SYMPK: variants seen among roughly 807,000 people sequenced by gnomAD.
The protein encoded by SYMPK is symplekin.
SYMPK carries 49 observed loss-of-function variants against 136.4 expected under a neutral mutation model. The observed-to-expected ratio is 0.36, with a 90% CI of 0.29 to 0.46. SYMPK has a LOEUF of 0.46. Among genes scored for constraint, SYMPK ranks in the 20% least tolerant of loss-of-function variants. The probability of loss-of-function intolerance (pLI) is 1.00; values close to 1 mark genes in which losing one functional copy is unlikely to be tolerated. For missense variants in SYMPK, 1,365 were observed against 1,690.0 expected (o/e 0.81, Z 3.37); for synonymous variants, 766 against 713.0 (o/e 1.07, Z -1.19).
chr19:45,841,878 C>T (rs1197665544), intron 9 of SYMPK, among the ~76,000 whole-genome samples: 1 of 151,998 alleles, frequency 6.6e-6, no homozygotes, highest in Non-Finnish European at 1.5e-5. Context: ...AAGAGGGATA[C>T]TATTTTCATT....
At chr19:45,857,782 CAA>C (rs1971868053) in intron 1 of SYMPK, among the ~76,000 whole-genome samples, 3 of 150,386 alleles carry the variant, frequency 2.0e-5, no homozygotes, top group Non-Finnish European at 4.4e-5. Flanking sequence ...TGAGCCACCG[CAA>C]CCAGCCGAAA....
chr19:45,844,978 C>T (rs1971526686), intron 7 of SYMPK, among the ~76,000 whole-genome samples: 1 of 152,128 alleles, frequency 6.6e-6, no homozygotes, highest in Non-Finnish European at 1.5e-5. Flanking sequence ...TAATTATCAC[C>T]ATCAGGGTAA....
chr19:45,823,315 C>G, intron 20 of SYMPK, 57 bp downstream of exon 20: 6 of 1,545,872 alleles, frequency 3.9e-6, no homozygotes, highest in Non-Finnish European at 5.4e-6. Flanking sequence ...GCTGCCCTGC[C>G]CCTCCCAGTC....
At position 45,823,945 on chromosome 19, in the gene SYMPK, G is replaced by A. The variant is rs889027526; in HGVS notation, c.2491-70C>T. 6 of 1,271,932 alleles carry A rather than the reference G, an allele frequency of 4.7e-6. No individual in the cohort carries two copies. The African/African-American group carries it at 1.2e-4, about 26-fold the overall frequency. 78.8% of individuals were successfully genotyped at this position (1,271,932 alleles called of 1,614,324 possible). On this transcript the variant is annotated intron_variant, in intron 18 of 26. Transcript: ENST00000245934. ...GGGGAGGGTCAGGTGTTGCCCGGCA[G>A]GGTGGCTTGCGGGGCATGCTGGCGC... is the stretch of plus-strand genomic sequence containing the variant.
At position 45,838,494 on chromosome 19, in the gene SYMPK, C is replaced by A; in HGVS notation, c.1209G>T (p.Gln403His). 8 of 1,614,060 alleles carry A rather than the reference C, an allele frequency of 5.0e-6. No homozygotes were observed. Among genetic ancestry groups the A allele is most frequent in the Non-Finnish European group, 5.9e-6 (7 of 1,179,950 alleles). ...CCACATTATCAGGCGTCAGCAGAGG[C>A]TGCAGGAACTCAGCTGTGATGTCCG... ...SDTDITAEFL[Q>H]PLLTPDNVAN... The change falls in exon 10 of 27, where the codon CAG (glutamine) becomes CAT (histidine). Residue 403 changes from glutamine (Q) to histidine (H), a missense_variant. Physicochemically the swap from Gln to His is conservative, Grantham distance 24. Coordinates refer to ENST00000245934, the MANE Select transcript of SYMPK (RefSeq NM_004819.3).
intron 10 of SYMPK, 38 bp from the exon 11 acceptor site, chr19:45,835,266 T>C (rs1415003200): frequency 5.2e-6 from 8 of 1,532,644 alleles, no homozygotes; most frequent in Non-Finnish European, 7.0e-6. Flanking sequence ...TCCTTAATCA[T>C]TAACTCAAGA....
intron 11 of SYMPK, among the ~76,000 whole-genome samples, chr19:45,834,110 A>C (rs1212478281): frequency 6.6e-6 from 1 of 152,022 alleles, no homozygotes; most frequent in Non-Finnish European, 1.5e-5. Flanking sequence ...AGACGGTGAA[A>C]CCCCCGTCTC....
At chr19:45,852,146 G>A (rs1222604683) in intron 5 of SYMPK, among the ~76,000 whole-genome samples, 166 bp downstream of exon 5, 1 of 152,174 alleles carries the variant, frequency 6.6e-6, no homozygotes, top group Non-Finnish European at 1.5e-5. Context: ...ATGACCCCAG[G>A]GTTTCCATCT....
chr19:45,836,541 G>A (rs1304279116), intron 10 of SYMPK, among the ~76,000 whole-genome samples: 4 of 151,746 alleles, frequency 2.6e-5, no homozygotes, highest in Non-Finnish European at 5.9e-5. Flanking sequence ...TGAGGCAGGA[G>A]AATGGCGTGA....
chr19:45,815,576 G>C lies in SYMPK; in HGVS notation c.3809C>G (p.Ala1270Gly). 1.3e-6 allele frequency: 2 copies of C among 1,592,412 alleles called. No individual in the cohort carries two copies. The highest frequency in any genetic ancestry group is 2.7e-5 in the African/African-American group (2 of 72,844). ...PAAEDAREPE[A>G]KGNS ...CGAGCCCCGTCAGCTGTTCCCCTTG[G>C]CCTCGGGTTCCCTGGCGTCCTCGGC... Residue 1270 changes from alanine (A) to glycine (G), a missense_variant, in exon 27 of 27, where the codon GCC (alanine) becomes GGC (glycine). Around this residue, in one of 11 missense-constraint regions of SYMPK, gnomAD observed 341 missense variants for 270.5 expected, o/e 1.26. Transcript: ENST00000245934.
chr19:45,820,716 C>T (rs1306328354), intron 22 of SYMPK: 2 of 160,100 alleles, frequency 1.2e-5, no homozygotes, highest in Non-Finnish European at 2.7e-5. Context: ...CCACCCAGGT[C>T]CGTTTCACTT....
chr19:45,825,296 G>A lies in SYMPK; in HGVS notation c.2365C>T (p.Gln789Ter). ...AAPWTEETVK[Q>*]CLYLYLALLP... Reference sequence around the variant, plus strand: ...AGGGCCAGGTAGAGGTACAGACACTGCTTCACTGTCTCCTCCGTCCAGGGT... The same window carrying A: ...AGGGCCAGGTAGAGGTACAGACACTACTTCACTGTCTCCTCCGTCCAGGGT... Residue 789 changes from glutamine to a stop codon, truncating the protein, a stop_gained, in exon 18 of 27, where the codon CAG becomes TAG. Transcript: ENST00000245934. LOFTEE classifies it high-confidence loss of function. The A allele has an allele frequency of 3.1e-6, 5 of 1,614,180 alleles. No individual in the cohort carries two copies. Among genetic ancestry groups the A allele is most frequent in the Non-Finnish European group, 4.2e-6 (5 of 1,180,022 alleles).
At chr19:45,823,723 G>A in intron 19 of SYMPK, 44 bp downstream of exon 19, 1 of 1,555,426 alleles carries the variant, frequency 6.4e-7, no homozygotes, top group Non-Finnish European at 8.9e-7. Flanking sequence ...GGAAGGCTAA[G>A]GAGAGGGAGG....
At position 45,827,465 on chromosome 19, in the gene SYMPK, C is replaced by G. The variant is rs368866406; in HGVS notation, c.2181+45G>C. On this transcript the variant is annotated intron_variant, in intron 16 of 26. Coordinates refer to ENST00000245934, the MANE Select transcript of SYMPK (RefSeq NM_004819.3). Reference sequence around the variant, plus strand: ...TTACTCAGGATAGAGGCGGCCTCTGCAAGCTGCAGGCTGAGGGCAGCCAGG... The same window carrying G: ...TTACTCAGGATAGAGGCGGCCTCTGGAAGCTGCAGGCTGAGGGCAGCCAGG... 4 of 1,479,534 alleles carry G rather than the reference C, an allele frequency of 2.7e-6. No homozygotes were observed. In the African/African-American group the frequency reaches 5.6e-5, roughly 21 times the overall value. 91.7% of individuals were successfully genotyped at this position (1,479,534 alleles called of 1,614,324 possible).
intron 1 of SYMPK, 125 bp downstream of exon 1, chr19:45,862,933 A>C: frequency 5.0e-6 from 2 of 399,008 alleles, no homozygotes; most frequent in Non-Finnish European, 8.9e-6. Context: ...GAGCAAGGGA[A>C]GAAACATGGG....
intron 7 of SYMPK, among the ~76,000 whole-genome samples, chr19:45,845,343 C>G (rs1971535111): frequency 6.6e-6 from 1 of 152,076 alleles, no homozygotes; most frequent in African/African-American, 2.4e-5. Flanking sequence ...CCACTTCCTC[C>G]CCAACCGCCC....
chr19:45,850,696 G>T (rs149904648), intron 5 of SYMPK, among the ~76,000 whole-genome samples: 1 of 152,146 alleles, frequency 6.6e-6, no homozygotes, highest in African/African-American at 2.4e-5. Flanking sequence ...CAACAAATAC[G>T]TAGTCAGCCC....
intron 1 of SYMPK, among the ~76,000 whole-genome samples, chr19:45,858,218 T>G (rs954684700): frequency 6.6e-6 from 1 of 152,184 alleles, no homozygotes; most frequent in African/African-American, 2.4e-5. Context: ...CTGCTGCCTG[T>G]CACCCCCTAT....
rs779382620 is a variant in SYMPK at position 45,823,770 on chromosome 19, T to G, written c.2596A>C (p.Lys866Gln). 3 of 1,613,784 alleles carry G rather than the reference T, an allele frequency of 1.9e-6. No individual in the cohort carries two copies. The highest frequency in any genetic ancestry group is 2.5e-6 in the Non-Finnish European group (3 of 1,179,740). Residue 866 changes from lysine (K) to glutamine (Q), a missense_variant, in exon 19 of 27, where the codon AAA becomes CAA. Around this residue, in one of 11 missense-constraint regions of SYMPK, gnomAD observed 92 missense variants for 198.6 expected, o/e 0.46. Transcript: ENST00000245934. ...AGGTGGGGGTCTCCAGGGTCACCTT[T>G]GTCTGTGAGGCTGTGCAGACATCTC... The part of the protein sequence containing the change: ...VTRCLHSLTD[K>Q]VPPSPELVKR...
Sources: gnomAD v4.1 joint callset for allele counts (sites outside exome capture counted in the v4.1 genomes callset) on GRCh38, gnomAD v4.1.1 for gene constraint, gnomAD v4.1.1 regional missense constraint, MANE v1.5 for transcripts, NCBI Gene and HGNC (gene_info 2026-07-23, HGNC 2026-07-21) for gene names.